Variants in BICDL1 observed in about 807,000 individuals in gnomAD.
BICDL1 encodes the protein BICD family like cargo adaptor 1, also known as BICD family-like cargo adapter 1.
Under a neutral mutation model 76.8 loss-of-function variants are expected in BICDL1, and 20 were observed. The observed-to-expected ratio is 0.26, with a 90% CI of 0.18 to 0.38. The LOEUF (loss-of-function observed/expected upper bound fraction) is 0.38. Among genes scored for constraint, BICDL1 ranks in the 10% least tolerant of loss-of-function variants. The pLI is 1.00. For synonymous variants in BICDL1, 383 were observed against 337.1 expected, an observed-to-expected ratio of 1.14 and a Z score of -1.49; for missense variants, 700 against 798.6, an observed-to-expected ratio of 0.88 and a Z score of 1.49.
chr12:120,008,058 A>G (rs1951881892), intron 2 of BICDL1, among the ~76,000 whole-genome samples: 1 of 152,094 alleles, frequency 6.6e-6, no homozygotes, highest in East Asian at 1.9e-4. Flanking sequence ...TCAACCAAAT[A>G]ACAGCTATTT....
At chr12:119,991,534 G>A (rs1951523478) in intron 1 of BICDL1, among the ~76,000 whole-genome samples, 2 of 152,140 alleles carry the variant, frequency 1.3e-5, no homozygotes, top group African/African-American at 4.8e-5. Flanking sequence ...GAAACCTATA[G>A]GTAGACTGCC....
chr12:119,997,485 A>G (rs1468483572), intron 1 of BICDL1, among the ~76,000 whole-genome samples: 3 of 152,214 alleles, frequency 2.0e-5, no homozygotes, highest in Non-Finnish European at 4.4e-5. Flanking sequence ...TGTATCAAAT[A>G]AATATACAAG....
chr12:120,092,532 G>A (rs1360090041), intron 9 of BICDL1: 2 of 985,374 alleles, frequency 2.0e-6, no homozygotes, highest in East Asian at 1.1e-4. Context: ...AAAGGCAGGA[G>A]GAGCCCCTGA....
chr12:120,091,571 GA>G, intron 9 of BICDL1: 2 of 985,020 alleles, frequency 2.0e-6, no homozygotes, highest in Non-Finnish European at 2.4e-6. Context: ...GGGGCAAGTG[GA>G]AAAGGGGATG....
intron 1 of BICDL1, chr12:119,993,456 T>G (rs1478656111): frequency 6.6e-6 from 1 of 152,184 alleles, no homozygotes; most frequent in Non-Finnish European, 1.5e-5. Flanking sequence ...AAGTCTTCAG[T>G]GGTTTAAAGG....
chr12:120,002,503 A>G (rs1286877679), intron 2 of BICDL1, among the ~76,000 whole-genome samples: 2 of 152,188 alleles, frequency 1.3e-5, no homozygotes, highest in South Asian at 2.1e-4. Flanking sequence ...CCATATGACT[A>G]AGAGCTGCCA....
chr12:120,090,998 G>A (rs1594227303), intron 9 of BICDL1: 1 of 1,288,808 alleles, frequency 7.8e-7, no homozygotes, highest in South Asian at 1.2e-5. Context: ...AGCTTTAGTT[G>A]TACACCCCTC....
chr12:120,082,777 C>G (rs1241431357), intron 8 of BICDL1, among the ~76,000 whole-genome samples: 1 of 151,848 alleles, frequency 6.6e-6, no homozygotes, highest in Non-Finnish European at 1.5e-5. Flanking sequence ...CCATGTTACC[C>G]AGGCTGGTCT....
chr12:120,072,659 G>C lies in BICDL1; in HGVS notation c.1238G>C (p.Gly413Ala). 6.2e-7 allele frequency: 1 copy of C among 1,614,128 alleles called. No individual in the cohort carries two copies. The highest frequency in any genetic ancestry group is 8.5e-7 in the Non-Finnish European group (1 of 1,180,032). ...TCGTCCGCCAAGGATGTGCCAGCCG[G>C]CAGCTTGCGCACTGCCCTCAATGAG... ...ETSSAKDVPA[G>A]SLRTALNELK... The change falls in exon 6 of 10, where the codon GGC becomes GCC. Residue 413 changes from glycine (G) to alanine (A), a missense_variant. By Grantham distance (60) the Gly-to-Ala change is moderately conservative. Transcript: ENST00000548673.
intron 1 of BICDL1, chr12:119,992,978 G>A (rs779671067): frequency 6.7e-5 from 10 of 149,296 alleles, no homozygotes; most frequent in Non-Finnish European, 1.5e-4. Flanking sequence ...CCCCCAGATG[G>A]AGTCTCGCTC....
chr12:120,045,421 A>G (rs1250405864), intron 2 of BICDL1, among the ~76,000 whole-genome samples: 1 of 152,132 alleles, frequency 6.6e-6, no homozygotes, highest in Non-Finnish European at 1.5e-5. Context: ...ATTACTGGGT[A>G]TATACCCAAA....
At chr12:120,039,443 G>C (rs773886589) in intron 2 of BICDL1, among the ~76,000 whole-genome samples, 52 of 151,870 alleles carry the variant, frequency 3.4e-4, no homozygotes, top group Non-Finnish European at 6.5e-4. Context: ...TTCGAGTCCA[G>C]CCTGACCAAC....
At chr12:120,000,702 C>G (rs1391282582) in intron 2 of BICDL1, 7 of 152,170 alleles carry the variant, frequency 4.6e-5, no homozygotes, top group African/African-American at 9.7e-5. Context: ...AGGGAAAAAG[C>G]AGATTTCAAC....
At chr12:120,087,102 C>G (rs1180847505) in intron 8 of BICDL1, among the ~76,000 whole-genome samples, 1 of 152,258 alleles carries the variant, frequency 6.6e-6, no homozygotes, top group Non-Finnish European at 1.5e-5. Context: ...GAGGCTGTGG[C>G]TGTCGTGGGG....
chr12:120,090,662 A>T lies in BICDL1; in HGVS notation c.1704+591A>T, dbSNP rs1260442904. ...GGTAGCACAGTTTTAGGATATGGGT[A>T]TAAACATTAATATTTCTCCCCAAGA... On this transcript the variant is annotated intron_variant, in intron 9 of 9. Coordinates refer to ENST00000548673, the MANE Select transcript of BICDL1 (RefSeq NM_001367886.1). 9 of 361,886 alleles carry T rather than the reference A, an allele frequency of 2.5e-5. No individual in the cohort carries two copies. In the East Asian group the frequency reaches 6.6e-4, roughly 26 times the overall value. 22.4% of individuals were successfully genotyped at this position (361,886 alleles called of 1,614,324 possible). A position where few individuals can be genotyped will look rare whatever the true frequency, so the allele number is the denominator to read the frequency against.
chr12:120,075,223 G>T (rs903730119), intron 7 of BICDL1, among the ~76,000 whole-genome samples: 1 of 152,068 alleles, frequency 6.6e-6, no homozygotes, highest in Non-Finnish European at 1.5e-5. Context: ...TAGAGGTTCT[G>T]TGCTGCTTGG....
chr12:120,032,856 C>T (rs1952451748), intron 2 of BICDL1, among the ~76,000 whole-genome samples: 1 of 150,532 alleles, frequency 6.6e-6, no homozygotes, highest in South Asian at 2.1e-4. Context: ...AAGTGATTCT[C>T]CTGCCTCAGC....
At chr12:120,057,254 A>C in intron 2 of BICDL1, 2 of 383,934 alleles carry the variant, frequency 5.2e-6, no homozygotes, top group South Asian at 1.9e-5. Flanking sequence ...AGCTCAAGCG[A>C]TCCTTCCACC....
Position 120,093,227 on chromosome 12 carries a change from G to A in BICDL1, c.*66G>A, listed in dbSNP as rs566333064. ...GCAGCTGGAAAGGCGGTGCAGGCAA[G>A]GCCTCCCCTGCAGCTTGCACCTCAG... On this transcript the variant is annotated 3_prime_UTR_variant, in exon 10 of 10. Coordinates refer to ENST00000548673, the MANE Select transcript of BICDL1 (RefSeq NM_001367886.1). 3.9e-4 allele frequency: 589 copies of A among 1,522,460 alleles called. 6 individuals carry two copies. In the African/African-American group the frequency reaches 6.7e-3, roughly 17 times the overall value. 94.3% of individuals were successfully genotyped at this position (1,522,460 alleles called of 1,614,324 possible).
Sources: gnomAD v4.1 joint callset for allele counts (sites outside exome capture counted in the v4.1 genomes callset) on GRCh38, gnomAD v4.1.1 for gene constraint, MANE v1.5 for transcripts, NCBI Gene and HGNC (gene_info 2026-07-23, HGNC 2026-07-21) for gene names.